CACNA1C: variants seen among roughly 807,000 people sequenced by gnomAD.
CACNA1C encodes voltage-dependent L-type calcium channel subunit alpha-1C.
CACNA1C carries 30 observed loss-of-function variants against 229.0 expected under a neutral mutation model. The ratio of observed to expected loss-of-function variants is 0.13; its 90% CI spans 0.10 to 0.18. The LOEUF (loss-of-function observed/expected upper bound fraction) is 0.18. Ranked by LOEUF, CACNA1C falls within the 10% of genes least tolerant of loss-of-function variation. The pLI, the probability that CACNA1C is intolerant of heterozygous loss-of-function variation, is 1.00. For missense variants in CACNA1C, 1,658 were observed against 2,845.0 expected, an observed-to-expected ratio of 0.58 and a Z score of 9.49; for synonymous variants, 1,114 against 1,132.5, an observed-to-expected ratio of 0.98 and a Z score of 0.33.
intron 3 of CACNA1C, among the ~76,000 whole-genome samples, chr12:2,186,020 T>C (rs1270739359): frequency 6.6e-6 from 1 of 152,130 alleles, no homozygotes; most frequent in African/African-American, 2.4e-5. Flanking sequence ...CTCTGGCTCC[T>C]TTTCCAGGCA....
At chr12:2,370,293 C>T (rs911919255) in intron 3 of CACNA1C, among the ~76,000 whole-genome samples, 9 of 152,144 alleles carry the variant, frequency 5.9e-5, no homozygotes, top group African/African-American at 2.2e-4. Flanking sequence ...AACAATTTAG[C>T]AATGCATATC....
chr12:2,249,378 T>C (rs1388178071), intron 3 of CACNA1C, among the ~76,000 whole-genome samples: 1 of 152,210 alleles, frequency 6.6e-6, no homozygotes, highest in Non-Finnish European at 1.5e-5. Context: ...TGTGACTGTT[T>C]CTCTGCAGCA....
chr12:2,645,805 G>A (rs762464894), intron 30 of CACNA1C, among the ~76,000 whole-genome samples: 35 of 152,180 alleles, frequency 2.3e-4, no homozygotes, highest in Non-Finnish European at 4.1e-4. Flanking sequence ...AGGTGTGAGC[G>A]GTGGTAGAGG....
chr12:2,305,263 A>C (rs2094922047), intron 3 of CACNA1C, among the ~76,000 whole-genome samples: 1 of 152,176 alleles, frequency 6.6e-6, no homozygotes, highest in Non-Finnish European at 1.5e-5. Flanking sequence ...AGATTCTGAG[A>C]GCTCTTATTT....
intron 7 of CACNA1C, among the ~76,000 whole-genome samples, chr12:2,496,223 G>A (rs1266215239): frequency 6.6e-6 from 1 of 152,168 alleles, no homozygotes; most frequent in Non-Finnish European, 1.5e-5. Context: ...CTAACCTGTT[G>A]AACCTCATGG....
In CACNA1C at chr12:2,639,895, T is replaced by G. The variant is rs1365712729; in HGVS notation, c.3912+5515T>G. Among the ~76,000 whole-genome samples the G allele has an allele frequency of 6.6e-6, 1 of 152,092 alleles. No individual in the cohort carries two copies. The highest frequency in any genetic ancestry group is 1.9e-4 in the East Asian group (1 of 5,192). ...AGAGAAAAGGAGCAGGAGAAAGACCTTCGGGGAGCAGAGCAGGCACAGGGA... is the reference window on the plus strand; with the variant it reads ...AGAGAAAAGGAGCAGGAGAAAGACCGTCGGGGAGCAGAGCAGGCACAGGGA... On this transcript the variant is annotated intron_variant, in intron 30 of 46. Transcript: ENST00000399655. This position sits in a 1 kb window ranked among gnomAD's most constrained non-coding sequence, Gnocchi z 4.2.
chr12:2,414,111 C>T lies in CACNA1C; in HGVS notation c.478-34865C>T, dbSNP rs187217082. ...CTCCGTTATTTGCTGGCCGTGGGAC[C>T]CGGGATAAGTGGCGTAATCTCTGAG... On this transcript the variant is annotated intron_variant, in intron 3 of 46. Coordinates refer to ENST00000399655, the MANE Select transcript of CACNA1C (RefSeq NM_000719.7). Among the ~76,000 whole-genome samples the T allele has an allele frequency of 1.3e-3, 191 of 143,786 alleles. 1 individual carries two copies. Among genetic ancestry groups the T allele is most frequent in the African/African-American group, 4.7e-3 (184 of 39,248 alleles). 94.3% of individuals were successfully genotyped at this position (143,786 alleles called of 152,430 possible).
At chr12:2,156,144 CACAT>C (rs1425945181) in intron 3 of CACNA1C, among the ~76,000 whole-genome samples, 1 of 152,128 alleles carries the variant, frequency 6.6e-6, no homozygotes, top group Non-Finnish European at 1.5e-5. Context: ...TTTTAAGGTA[CACAT>C]ACATACGTGG....
At chr12:2,604,813 G>A (rs904558829) in intron 22 of CACNA1C, among the ~76,000 whole-genome samples, 2 of 152,168 alleles carry the variant, frequency 1.3e-5, no homozygotes, top group Admixed American at 6.5e-5. Context: ...GAGTAGCACA[G>A]TACATTGCTA....
chr12:2,246,780 G>T (rs777785970), intron 3 of CACNA1C, among the ~76,000 whole-genome samples: 11 of 152,186 alleles, frequency 7.2e-5, no homozygotes, highest in Non-Finnish European at 1.6e-4. Context: ...CCTGGGCATG[G>T]AGAAACCTGC....
At chr12:2,417,842 C>A (rs999283866) in intron 3 of CACNA1C, among the ~76,000 whole-genome samples, 2 of 152,052 alleles carry the variant, frequency 1.3e-5, no homozygotes, top group Non-Finnish European at 2.9e-5. Context: ...CTACCCCTCC[C>A]GCCTGTAGCA....
intron 3 of CACNA1C, among the ~76,000 whole-genome samples, chr12:2,387,383 G>A (rs931602365): frequency 7.9e-5 from 12 of 152,256 alleles, no homozygotes; most frequent in African/African-American, 7.2e-5. Context: ...CATCCAGGAG[G>A]CTGACACAGG....
At chr12:2,405,602 G>T (rs1348008276) in intron 3 of CACNA1C, among the ~76,000 whole-genome samples, 14 of 152,146 alleles carry the variant, frequency 9.2e-5, no homozygotes, top group Middle Eastern at 3.4e-3. Context: ...TAGCTGTTTT[G>T]TGGTTGCTCT....
At chr12:2,422,771 T>C (rs958083352) in intron 3 of CACNA1C, among the ~76,000 whole-genome samples, 1 of 152,136 alleles carries the variant, frequency 6.6e-6, no homozygotes, top group Non-Finnish European at 1.5e-5. Context: ...TGAGGAGGGT[T>C]CTGCAGTCGT....
At chr12:2,610,431 A>AC (rs2077144715) in intron 27 of CACNA1C, 110 bp from the exon 28 acceptor site, 2 of 1,092,610 alleles carry the variant, frequency 1.8e-6, no homozygotes, top group African/African-American at 3.1e-5. Flanking sequence ...CTTCCGGAGA[A>AC]CCCCACCCCA....
At position 2,674,614 on chromosome 12, in the gene CACNA1C, G is replaced by T. The variant is rs779607812; in HGVS notation, c.4800G>T (p.Leu1600=). Reference sequence around the variant, plus strand: ...TCTGGAAGCGGACCAGCATGAAGCTGCTGGACCAGGTGGTGCCCCCTGCAG... The same window carrying T: ...TCTGGAAGCGGACCAGCATGAAGCTTCTGGACCAGGTGGTGCCCCCTGCAG... ...KKIWKRTSMK[L]LDQVVPPAGD... The change falls in exon 39 of 47, where the codon CTG becomes CTT. Residue 1600 remains leucine, a synonymous_variant. Transcript: ENST00000399655. 2 of 1,572,868 alleles carry T rather than the reference G, an allele frequency of 1.3e-6. No homozygotes were observed. The highest frequency in any genetic ancestry group is 1.7e-6 in the Non-Finnish European group (2 of 1,158,798).
At chr12:2,312,876 T>C (rs1195883273) in intron 3 of CACNA1C, among the ~76,000 whole-genome samples, 2 of 152,184 alleles carry the variant, frequency 1.3e-5, no homozygotes, top group Admixed American at 6.5e-5. Context: ...TAGGTAAATT[T>C]ATTTAACTTA....
chr12:2,327,522 G>A (rs145830121), intron 3 of CACNA1C, among the ~76,000 whole-genome samples: 7 of 152,264 alleles, frequency 4.6e-5, no homozygotes, highest in East Asian at 1.9e-4. Flanking sequence ...TGTGGTCCAC[G>A]GTAGAATGAC....
chr12:2,510,221 A>G (rs1568126070), intron 8 of CACNA1C, among the ~76,000 whole-genome samples: 1 of 152,172 alleles, frequency 6.6e-6, no homozygotes, highest in East Asian at 1.9e-4. Flanking sequence ...CCATGTCTTC[A>G]TTAGCTCAGT....
Sources: gnomAD v4.1 joint callset for allele counts (sites outside exome capture counted in the v4.1 genomes callset) on GRCh38, gnomAD v4.1.1 for gene constraint, Gnocchi (gnomAD v3.1) non-coding constraint, MANE v1.5 for transcripts, NCBI Gene and HGNC (gene_info 2026-07-23, HGNC 2026-07-21) for gene names.